The following KCTD8 variants were observed in gnomAD, a reference collection of about 807,000 sequenced individuals.
KCTD8 encodes the protein potassium channel tetramerization domain containing 8, also known as BTB/POZ domain-containing protein KCTD8.
A neutral mutation model predicts 31.5 loss-of-function variants in KCTD8; 27 were observed. The observed-to-expected ratio is 0.86, with a 90% CI of 0.63 to 1.18. The LOEUF (loss-of-function observed/expected upper bound fraction) is 1.18. Among genes scored for constraint, KCTD8 ranks in the 50% most tolerant of loss-of-function variants. The pLI is 0.00. For missense variants in KCTD8, 658 were observed against 647.7 expected (o/e 1.02, Z -0.17); for synonymous variants, 290 against 280.0 (o/e 1.04, Z -0.36).
At chr4:44,220,478 T>G (rs1714775403) in intron 1 of KCTD8, among the ~76,000 whole-genome samples, 1 of 152,204 alleles carries the variant, frequency 6.6e-6, no homozygotes, top group African/African-American at 2.4e-5. Context: ...CACTAGTCAC[T>G]GCCCTTTCAT....
At chr4:44,425,599 T>C (rs913830264) in intron 1 of KCTD8, among the ~76,000 whole-genome samples, 7 of 151,996 alleles carry the variant, frequency 4.6e-5, no homozygotes, top group Admixed American at 1.3e-4. Flanking sequence ...CAGTAGTTGA[T>C]GAATGTTTAA....
At chr4:44,318,357 A>G (rs1718200136) in intron 1 of KCTD8, among the ~76,000 whole-genome samples, 1 of 152,180 alleles carries the variant, frequency 6.6e-6, no homozygotes, top group Non-Finnish European at 1.5e-5. Context: ...CAGCCTTCTA[A>G]GTAGCTGAGA....
intron 1 of KCTD8, among the ~76,000 whole-genome samples, chr4:44,257,556 T>G (rs1161238838): frequency 1.3e-5 from 2 of 151,992 alleles, no homozygotes; most frequent in Non-Finnish European, 2.9e-5. Flanking sequence ...TGACAATGTT[T>G]TTCTTTCTAA....
intron 1 of KCTD8, among the ~76,000 whole-genome samples, chr4:44,443,425 A>G (rs1217105277): frequency 6.6e-6 from 1 of 152,234 alleles, no homozygotes; most frequent in African/African-American, 2.4e-5. Flanking sequence ...CCAGGATTGA[A>G]TAGCTGTTTG....
chr4:44,182,881 C>T (rs919398157), intron 1 of KCTD8, among the ~76,000 whole-genome samples: 4 of 152,132 alleles, frequency 2.6e-5, no homozygotes, highest in African/African-American at 4.8e-5. Flanking sequence ...CATGTTTAAA[C>T]GTCAAATAGC....
At chr4:44,235,578 T>TAGAG (rs371875444) in intron 1 of KCTD8, among the ~76,000 whole-genome samples, 675 of 63,782 alleles carry the variant, frequency 0.011, 25 homozygotes, top group African/African-American at 0.02. Flanking sequence ...TATATATATT[T>TAGAG]AGAGAGAGAG....
intron 1 of KCTD8, among the ~76,000 whole-genome samples, chr4:44,189,539 G>A (rs1186130648): frequency 1.3e-5 from 2 of 151,784 alleles, no homozygotes; most frequent in Non-Finnish European, 1.5e-5. Flanking sequence ...TTGGAATAAC[G>A]AGGTTAATAG....
intron 1 of KCTD8, among the ~76,000 whole-genome samples, chr4:44,325,273 G>A (rs938033919): frequency 3.3e-5 from 5 of 151,760 alleles, no homozygotes; most frequent in Admixed American, 1.3e-4. Context: ...TGAAGAGAAC[G>A]GAATAAAGAC....
At chr4:44,376,124 A>C (rs1032294342) in intron 1 of KCTD8, among the ~76,000 whole-genome samples, 1 of 152,146 alleles carries the variant, frequency 6.6e-6, no homozygotes, top group Non-Finnish European at 1.5e-5. Context: ...TACTTGATGG[A>C]TGTACCAGAA....
intron 1 of KCTD8, among the ~76,000 whole-genome samples, chr4:44,269,412 T>C (rs866780978): frequency 4.7e-5 from 7 of 150,492 alleles, no homozygotes; most frequent in African/African-American, 7.4e-5. Flanking sequence ...AAGACTTAAA[T>C]GTTAGACCTA....
intron 1 of KCTD8, among the ~76,000 whole-genome samples, chr4:44,188,394 CTG>C (rs1713655950): frequency 6.6e-6 from 1 of 152,134 alleles, no homozygotes; most frequent in Non-Finnish European, 1.5e-5. Flanking sequence ...ATGTGAAGTT[CTG>C]ACATGTATTA....
intron 1 of KCTD8, among the ~76,000 whole-genome samples, chr4:44,228,586 C>T (rs1715030893): frequency 6.6e-6 from 1 of 152,186 alleles, no homozygotes; most frequent in South Asian, 2.1e-4. Flanking sequence ...TTTGCCTTTG[C>T]AAAAGGCAAA....
At chr4:44,238,968 A>G (rs933452722) in intron 1 of KCTD8, among the ~76,000 whole-genome samples, 1 of 152,212 alleles carries the variant, frequency 6.6e-6, no homozygotes, top group Admixed American at 6.5e-5. Flanking sequence ...TGGAAGTAGA[A>G]TAATAGAAGT....
intron 1 of KCTD8, among the ~76,000 whole-genome samples, chr4:44,352,102 G>T (rs1719219327): frequency 6.6e-6 from 1 of 152,028 alleles, no homozygotes; most frequent in African/African-American, 2.4e-5. Context: ...TAAAGCTTCT[G>T]CTCATTTCTG....
In KCTD8 at chr4:44,404,958, T is replaced by C. The variant is rs903697863; in HGVS notation, c.961+42605A>G. ...TAGCAATATTTGAAGTACAATACTC[T>C]GGGTTTCTTTGGACAAAGCTACTTC... On this transcript the variant is annotated intron_variant, in intron 1 of 1. Transcript: ENST00000360029. Among the ~76,000 whole-genome samples, 22 of 152,176 alleles carry C rather than the reference T, an allele frequency of 1.4e-4. 1 individual carries two copies. Among genetic ancestry groups the C allele is most frequent in the African/African-American group, 5.3e-4 (22 of 41,440 alleles).
In KCTD8 at chr4:44,446,868, C is replaced by T. The variant is rs998234633; in HGVS notation, c.961+695G>A. On this transcript the variant is annotated intron_variant, in intron 1 of 1. Coordinates refer to ENST00000360029, the MANE Select transcript of KCTD8 (RefSeq NM_198353.3). ...CATGCAAACTTTCTAATTCCTTCCA[C>T]CCTCCCCTGTCCCAAACACTGGGCA... Among the ~76,000 whole-genome samples, 17 of 152,272 alleles carry T rather than the reference C, an allele frequency of 1.1e-4. No individual in the cohort carries two copies. The East Asian group carries it at 3.1e-3, about 28-fold the overall frequency.
At chr4:44,200,360 A>T (rs1368799937) in intron 1 of KCTD8, among the ~76,000 whole-genome samples, 1 of 152,008 alleles carries the variant, frequency 6.6e-6, no homozygotes, top group Non-Finnish European at 1.5e-5. Flanking sequence ...ATGAAAAAAA[A>T]AAACTACAGG....
chr4:44,384,964 A>T (rs1720170534), intron 1 of KCTD8, among the ~76,000 whole-genome samples: 1 of 151,114 alleles, frequency 6.6e-6, no homozygotes, highest in South Asian at 2.1e-4. Context: ...TTAAAAATAT[A>T]ATAGATGAGA....
chr4:44,344,948 A>G (rs567261221), intron 1 of KCTD8, among the ~76,000 whole-genome samples: 82 of 152,270 alleles, frequency 5.4e-4, no homozygotes, highest in African/African-American at 1.9e-3. Flanking sequence ...TCTTCAGCTT[A>G]AACTTTAGCT....
Sources: allele counts gnomAD v4.1 joint callset (sites outside exome capture counted in the v4.1 genomes callset), GRCh38; gene constraint gnomAD v4.1.1; transcripts MANE v1.5; gene names NCBI Gene and HGNC (gene_info 2026-07-23, HGNC 2026-07-21).